Variants in AGO1 observed in about 807,000 individuals in gnomAD.
The protein encoded by AGO1 is protein argonaute-1.
AGO1 carries 11 observed loss-of-function variants against 109.2 expected under a neutral mutation model. That is an observed-to-expected ratio of 0.10 (90% CI 0.06 to 0.17). The LOEUF (loss-of-function observed/expected upper bound fraction) is 0.17, where lower values mean the gene tolerates loss of function less well. AGO1 is among the 10% of genes least tolerant of loss of function. The probability of loss-of-function intolerance (pLI) is 1.00; values close to 1 mark genes in which losing one functional copy is unlikely to be tolerated. For missense variants in AGO1, 574 were observed against 1,140.3 expected (o/e 0.50, Z 7.15); for synonymous variants, 422 against 418.6 (o/e 1.01, Z -0.10).
chr1:35,892,279 A>G (rs959213223), intron 2 of AGO1, among the ~76,000 whole-genome samples: 8 of 152,194 alleles, frequency 5.3e-5, no homozygotes, highest in African/African-American at 1.7e-4. Context: ...TTTCAGGTCC[A>G]TTACAGCCTT....
rs1409093311 is a variant in AGO1, at chr1:35,902,182, C to T, written c.1264-22C>T. On this transcript the variant is annotated intron_variant, in intron 10 of 18. Coordinates refer to ENST00000373204, the MANE Select transcript of AGO1 (RefSeq NM_012199.5). ...CTGACTCTACTGAGGCTCACCTAGG[C>T]GCCCCCTCTACCTATCCCCAGAACC... is the stretch of plus-strand genomic sequence containing the variant. 8.1e-6 allele frequency: 13 copies of T among 1,607,676 alleles called. No individual in the cohort carries two copies. In the East Asian group the frequency reaches 1.3e-4, roughly 17 times the overall value.
chr1:35,884,349 G>T (rs1645085836), intron 1 of AGO1, among the ~76,000 whole-genome samples: 1 of 152,074 alleles, frequency 6.6e-6, no homozygotes, highest in South Asian at 2.1e-4. Flanking sequence ...CTTAGGAAAG[G>T]TATTGGTTAC....
chr1:35,875,499 C>T (rs893795898), intron 1 of AGO1, among the ~76,000 whole-genome samples: 9 of 152,126 alleles, frequency 5.9e-5, no homozygotes, highest in Admixed American at 2.0e-4. Flanking sequence ...CTGCAACCTC[C>T]GCCTCCTGGG....
At chr1:35,877,873 A>G (rs1184185263) in intron 1 of AGO1, among the ~76,000 whole-genome samples, 1 of 151,208 alleles carries the variant, frequency 6.6e-6, no homozygotes, top group Non-Finnish European at 1.5e-5. Context: ...TTGTATTTTT[A>G]GTAGAGATGG....
At chr1:35,884,166 A>C (rs1271808475) in intron 1 of AGO1, among the ~76,000 whole-genome samples, 1 of 147,382 alleles carries the variant, frequency 6.8e-6, no homozygotes, top group Non-Finnish European at 1.5e-5. Flanking sequence ...TTATGCTGGC[A>C]GTGTGCAAAT....
At chr1:35,894,238 G>A (rs1203247709) in intron 6 of AGO1, 67 bp downstream of exon 6, 31 of 1,590,858 alleles carry the variant, frequency 1.9e-5, no homozygotes, top group Non-Finnish European at 2.5e-5. Context: ...TCCCCTTGGG[G>A]TATGCTCAGG....
In AGO1 at chr1:35,929,988, C is replaced by G. The variant is rs1407985565; in HGVS notation, c.*10381C>G. On this transcript the variant is annotated 3_prime_UTR_variant, in exon 19 of 19. Transcript: ENST00000373204. ...ATAGGATATTCTTTCTCCTTTTCCT[C>G]TTTAAAAAATTATTTTGATTAAAAA... 6.6e-6 allele frequency: 1 copy of G among 152,082 alleles called. No homozygotes were observed. The allele number at this position is 152,082 out of a possible 1,614,324, so 9.4% of individuals were successfully genotyped here. A position where few individuals can be genotyped will look rare whatever the true frequency, so the allele number is the denominator to read the frequency against.
rs1645870598 is a variant in AGO1 at position 35,923,524 on chromosome 1, C to T, written c.*3917C>T. 6.6e-6 allele frequency: 1 copy of T among 152,632 alleles called. No homozygotes were observed. Among genetic ancestry groups the T allele is most frequent in the Admixed American group, 6.5e-5 (1 of 15,280 alleles). The allele number at this position is 152,632 out of a possible 1,614,324, so 9.5% of individuals were successfully genotyped here. Reference sequence around the variant, plus strand: ...ACGTTATTTTTATTTATATATGGGGCCTAGGCCAATCCAGGATGGTAGCTG... The same window carrying T: ...ACGTTATTTTTATTTATATATGGGGTCTAGGCCAATCCAGGATGGTAGCTG... On this transcript the variant is annotated 3_prime_UTR_variant, in exon 19 of 19. Transcript: ENST00000373204.
upstream of AGO1, among the ~76,000 whole-genome samples, chr1:35,878,674 G>GT (rs1645011418): frequency 6.6e-6 from 1 of 152,022 alleles, no homozygotes; most frequent in Non-Finnish European, 1.5e-5. Context: ...CTTAACTCAG[G>GT]TTATTTTGTA....
rs541373139 is a variant in AGO1, at chr1:35,926,804, C to G, written c.*7197C>G. On this transcript the variant is annotated 3_prime_UTR_variant, in exon 19 of 19. Coordinates refer to ENST00000373204, the MANE Select transcript of AGO1 (RefSeq NM_012199.5). ...TTAGATGCATTTAGTTTTCCACTTACGCACAACTGCCTTCTCCAGTATATC... is the reference window on the plus strand; with the variant it reads ...TTAGATGCATTTAGTTTTCCACTTAGGCACAACTGCCTTCTCCAGTATATC... 2 of 152,296 alleles carry G rather than the reference C, an allele frequency of 1.3e-5. No homozygotes were observed. Among genetic ancestry groups the G allele is most frequent in the South Asian group, 2.1e-4 (1 of 4,828 alleles). The allele number at this position is 152,296 out of a possible 1,614,324, so 9.4% of individuals were successfully genotyped here.
intron 11 of AGO1, among the ~76,000 whole-genome samples, chr1:35,903,483 G>A (rs118182312): frequency 6.6e-6 from 1 of 152,228 alleles, no homozygotes; most frequent in East Asian, 1.9e-4. Flanking sequence ...GGAGTTGATG[G>A]AGCCGACCAT....
Position 35,901,939 on chromosome 1 carries a change from G to T in AGO1, c.1141-9G>T. On this transcript the variant is annotated splice_polypyrimidine_tract_variant and intron_variant, in intron 9 of 18. Transcript: ENST00000373204. This position sits in a 1 kb window ranked among gnomAD's most constrained non-coding sequence, Gnocchi z 4.8. ...TGTTCTCCTGAGATTGCTCTCTTTT[G>T]TCCTGCAGATGAAGAATGCCAGCTA... The T allele has an allele frequency of 6.3e-7, 1 of 1,578,190 alleles. No homozygotes were observed. Among genetic ancestry groups the T allele is most frequent in the Non-Finnish European group, 8.6e-7 (1 of 1,162,934 alleles).
Position 35,892,625 on chromosome 1 carries a change from A to T in AGO1, c.278A>T (p.Asp93Val). ...QIFGDRKPVY[D>V]GKKNIYTVTA... ...TTTGGTGATCGCAAGCCTGTGTATG[A>T]TGGAAAGAAGAACATTTACACTGTC... Residue 93 changes from aspartate (D) to valine (V), a missense_variant, in exon 3 of 19, where the codon GAT becomes GTT. Physicochemically the swap from Asp to Val is radical, Grantham distance 152. Around this residue, in one of 8 missense-constraint regions of AGO1, gnomAD observed 129 missense variants for 243.0 expected, o/e 0.53. Transcript: ENST00000373204. The T allele has an allele frequency of 6.2e-7, 1 of 1,614,232 alleles. No homozygotes were observed. Among genetic ancestry groups the T allele is most frequent in the Non-Finnish European group, 8.5e-7 (1 of 1,180,038 alleles).
intron 12 of AGO1, among the ~76,000 whole-genome samples, chr1:35,912,562 T>C (rs1338109818): frequency 6.6e-6 from 1 of 151,798 alleles, no homozygotes; most frequent in African/African-American, 2.4e-5. Flanking sequence ...CCTATTTTTA[T>C]TTTATTTTAT....
chr1:35,872,907 G>T lies in AGO1; in HGVS notation c.-201+3004G>T, dbSNP rs560060140. Among the ~76,000 whole-genome samples, 51 of 149,964 alleles carry T rather than the reference G, an allele frequency of 3.4e-4. No homozygotes were observed. In the East Asian group the frequency reaches 4.1e-3, roughly 12 times the overall value. ...TATTTCTGTTCTTTTCAGTTTTTTT[G>T]TTTGTTTGTTTGTTTGTTTGTTTGT... On this transcript the variant is annotated intron_variant, in intron 1 of 18. Transcript: ENST00000373206.
chr1:35,902,523 A>G (rs1161376258), intron 11 of AGO1, among the ~76,000 whole-genome samples, 186 bp downstream of exon 11: 1 of 152,228 alleles, frequency 6.6e-6, no homozygotes, highest in Non-Finnish European at 1.5e-5. Flanking sequence ...GGAAGTTAAT[A>G]AGGAGCCATA....
intron 2 of AGO1, among the ~76,000 whole-genome samples, chr1:35,890,002 A>G (rs1324451372): frequency 1.3e-5 from 2 of 151,958 alleles, no homozygotes; most frequent in Non-Finnish European, 2.9e-5. Context: ...GGCGTGAGCC[A>G]CCGTGCCTGA....
chr1:35,910,514 ACAGCCC>A (rs1645613071), intron 12 of AGO1, among the ~76,000 whole-genome samples: 1 of 152,098 alleles, frequency 6.6e-6, no homozygotes, highest in South Asian at 2.1e-4. Context: ...GAACCTTACC[ACAGCCC>A]CAGTCACTAC....
intron 1 of AGO1, among the ~76,000 whole-genome samples, chr1:35,870,629 C>G (rs1204374819): frequency 6.6e-6 from 1 of 152,170 alleles, no homozygotes; most frequent in Non-Finnish European, 1.5e-5. Context: ...CTATTATCCA[C>G]CATTCATTTT....
Sources: allele counts gnomAD v4.1 joint callset (sites outside exome capture counted in the v4.1 genomes callset), GRCh38; gene constraint gnomAD v4.1.1; regional missense constraint gnomAD v4.1.1; non-coding constraint Gnocchi (gnomAD v3.1); transcripts MANE v1.5; gene names NCBI Gene and HGNC (gene_info 2026-07-23, HGNC 2026-07-21).